Variants in MACROH2A1 observed in about 807,000 individuals in gnomAD.
MACROH2A1 encodes the protein core histone macro-H2A.1.
In MACROH2A1, 2 loss-of-function variants were observed where a neutral mutation model predicts 31.6. The observed-to-expected ratio is 0.06, with a 90% CI of 0.03 to 0.20. The LOEUF is 0.20. Ranked by LOEUF, MACROH2A1 falls within the 10% of genes least tolerant of loss-of-function variation. The pLI, the probability that MACROH2A1 is intolerant of heterozygous loss-of-function variation, is 1.00. For missense variants in MACROH2A1, 230 were observed against 474.0 expected, an observed-to-expected ratio of 0.49 and a Z score of 4.78; for synonymous variants, 169 against 189.6, an observed-to-expected ratio of 0.89 and a Z score of 0.89.
At chr5:135,392,213 G>GTA (rs1195924411) in intron 1 of MACROH2A1, among the ~76,000 whole-genome samples, 1 of 152,118 alleles carries the variant, frequency 6.6e-6, no homozygotes, top group East Asian at 1.9e-4. Flanking sequence ...TGTTCCCATA[G>GTA]TATATATATC....
At chr5:135,387,682 C>G (rs1766606929) in intron 2 of MACROH2A1, among the ~76,000 whole-genome samples, 1 of 152,180 alleles carries the variant, frequency 6.6e-6, no homozygotes, top group Non-Finnish European at 1.5e-5. Context: ...TAACCCCAGA[C>G]AAGTCCTTTA....
chr5:135,398,826 T>C lies in MACROH2A1; in HGVS notation c.-34+236A>G, dbSNP rs544744403. Among the ~76,000 whole-genome samples the C allele has an allele frequency of 6.6e-6, 1 of 152,256 alleles. No individual in the cohort carries two copies. Among genetic ancestry groups the C allele is most frequent in the South Asian group, 2.1e-4 (1 of 4,824 alleles). On this transcript the variant is annotated intron_variant, in intron 1 of 8. Coordinates refer to ENST00000511689, the MANE Select transcript of MACROH2A1 (RefSeq NM_138610.3). The surrounding 1 kb of genome is among the most constrained non-coding windows in gnomAD (Gnocchi z 4.6). ...CAGGGGGATGCGTTTCGAAGAGAAG[T>C]TGGTTTCCAGGTTTCTTTTTTGAAC...
chr5:135,369,451 A>G lies in MACROH2A1; in HGVS notation c.432T>C (p.Pro144=), dbSNP rs1763918779. 1.9e-6 allele frequency: 3 copies of G among 1,614,086 alleles called. No homozygotes were observed. In the East Asian group the frequency reaches 6.7e-5, roughly 36 times the overall value. The change falls in exon 4 of 9, where the codon CCT becomes CCC. Residue 144 remains proline (P), a synonymous_variant. Transcript: ENST00000511689. This position sits in a 1 kb window ranked among gnomAD's most constrained non-coding sequence, Gnocchi z 4.3. ...KKAKSPSQKK[P]VSKKAGGKKG... Reference sequence around the variant, plus strand: ...TCTTGCCTCCTGCTTTTTTAGATACAGGCTTCTTCTGGGATGGAGACTTGG... The same window carrying G: ...TCTTGCCTCCTGCTTTTTTAGATACGGGCTTCTTCTGGGATGGAGACTTGG...
chr5:135,339,908 TG>T (rs1428798440), intron 8 of MACROH2A1, among the ~76,000 whole-genome samples: 1 of 152,228 alleles, frequency 6.6e-6, no homozygotes, highest in African/African-American at 2.4e-5. Flanking sequence ...CCCCGGGCTT[TG>T]GGTAAATGAA....
chr5:135,374,564 A>C (rs981405658), intron 2 of MACROH2A1, among the ~76,000 whole-genome samples: 2 of 152,254 alleles, frequency 1.3e-5, no homozygotes, highest in Non-Finnish European at 2.9e-5. Context: ...AACAGAGCCA[A>C]CTTAAGCCTC....
At chr5:135,357,943 C>T (rs1442831399) in intron 5 of MACROH2A1, 2 of 985,094 alleles carry the variant, frequency 2.0e-6, no homozygotes, top group East Asian at 1.1e-4. Flanking sequence ...CCTTTCTCCA[C>T]CCCAGCTTGC....
intron 2 of MACROH2A1, among the ~76,000 whole-genome samples, chr5:135,377,335 T>C (rs971660319): frequency 4.6e-5 from 7 of 152,258 alleles, no homozygotes; most frequent in Admixed American, 2.6e-4. Context: ...GGTTAATATG[T>C]ATGTTTGTTT....
intron 2 of MACROH2A1, among the ~76,000 whole-genome samples, chr5:135,385,644 C>T (rs551064186): frequency 6.6e-6 from 1 of 152,050 alleles, no homozygotes; most frequent in Non-Finnish European, 1.5e-5. Flanking sequence ...ACCCAGCAGG[C>T]GCATCAAGAC....
intron 5 of MACROH2A1, chr5:135,353,921 AAT>A (rs1761882791): frequency 1.3e-5 from 2 of 152,248 alleles, no homozygotes; most frequent in South Asian, 2.1e-4. Flanking sequence ...AAGGGGAATT[AAT>A]GGGCCTAGGA....
chr5:135,391,464 T>A (rs1767227877), intron 1 of MACROH2A1, among the ~76,000 whole-genome samples: 1 of 152,222 alleles, frequency 6.6e-6, no homozygotes, highest in Admixed American at 6.5e-5. Context: ...CTCAGAGACC[T>A]GGCAGGTCCT....
At chr5:135,343,169 CCT>C (rs1444700534) in intron 8 of MACROH2A1, 89 bp downstream of exon 8, 1 of 1,601,478 alleles carries the variant, frequency 6.2e-7, no homozygotes, top group African/African-American at 1.3e-5. Context: ...CCTCCGTGGG[CCT>C]TGCACAGAGT....
intron 4 of MACROH2A1, 158 bp from the exon 5 acceptor site, chr5:135,360,765 T>C (rs1470656439): frequency 1.4e-6 from 1 of 704,196 alleles, no homozygotes; most frequent in East Asian, 2.7e-5. Flanking sequence ...CAGACTCATT[T>C]TGAGGTACAA....
chr5:135,337,154 A>AGCTGG (rs1473646968), intron 8 of MACROH2A1, among the ~76,000 whole-genome samples: 3 of 152,244 alleles, frequency 2.0e-5, no homozygotes, highest in Admixed American at 1.3e-4. Flanking sequence ...GTGCACAGGG[A>AGCTGG]GCTGGGCTGG....
intron 7 of MACROH2A1, 96 bp downstream of exon 7, chr5:135,345,872 G>A: frequency 1.2e-6 from 1 of 814,730 alleles, no homozygotes; most frequent in Non-Finnish European, 2.2e-6. Flanking sequence ...CGGCTGTGCT[G>A]CCACACACCT....
In MACROH2A1 at chr5:135,398,981, C is replaced by CT. The variant is rs1768473785; in HGVS notation, c.-34+80_-34+81insA. 1 of 149,952 alleles carries CT rather than the reference C, an allele frequency of 6.7e-6. No individual in the cohort carries two copies. The highest frequency in any genetic ancestry group is 2.1e-4 in the South Asian group (1 of 4,862). 9.3% of individuals were successfully genotyped at this position (149,952 alleles called of 1,614,324 possible). A position where few individuals can be genotyped will look rare whatever the true frequency, so the allele number is the denominator to read the frequency against. On this transcript the variant is annotated intron_variant, in intron 1 of 8. Transcript: ENST00000511689. The surrounding 1 kb of genome is among the most constrained non-coding windows in gnomAD (Gnocchi z 4.6). ...CCGCACCACACCGGTGCGCGCCAGG[C>CT]CGGGCCGCTCCCGGGCACCCGCGGC...
Position 135,369,218 on chromosome 5 carries a change from G to T in MACROH2A1, c.477+188C>A. 1 of 669,400 alleles carries T rather than the reference G, an allele frequency of 1.5e-6. No homozygotes were observed. The allele number at this position is 669,400 out of a possible 1,614,324, so 41.5% of individuals were successfully genotyped here. Reference sequence around the variant, plus strand: ...CTTCAACTGGGTCCAGACTCTGGGAGGGCCTCCTGACTCTGGCTACTTGTG... The same window carrying T: ...CTTCAACTGGGTCCAGACTCTGGGATGGCCTCCTGACTCTGGCTACTTGTG... On this transcript the variant is annotated intron_variant, in intron 4 of 8. Transcript: ENST00000511689. This position sits in a 1 kb window ranked among gnomAD's most constrained non-coding sequence, Gnocchi z 4.3.
rs1581404675 is a variant in MACROH2A1, at chr5:135,398,846, T to C, written c.-34+216A>G. Among the ~76,000 whole-genome samples, 1 of 152,036 alleles carries C rather than the reference T, an allele frequency of 6.6e-6. No homozygotes were observed. Among genetic ancestry groups the C allele is most frequent in the South Asian group, 2.1e-4 (1 of 4,838 alleles). On this transcript the variant is annotated intron_variant, in intron 1 of 8. Coordinates refer to ENST00000511689, the MANE Select transcript of MACROH2A1 (RefSeq NM_138610.3). This position sits in a 1 kb window ranked among gnomAD's most constrained non-coding sequence, Gnocchi z 4.6. The stretch of plus-strand genomic sequence containing the variant: ...AGAAGTTGGTTTCCAGGTTTCTTTT[T>C]TGAACAAAACCAAAGGGAATCCCGC...
chr5:135,371,903 T>C (rs1764216383), intron 2 of MACROH2A1, among the ~76,000 whole-genome samples: 1 of 152,162 alleles, frequency 6.6e-6, no homozygotes, highest in Admixed American at 6.5e-5. Context: ...AAAAATCGTG[T>C]GTTAAAAATT....
chr5:135,378,966 T>C (rs1030210913), intron 2 of MACROH2A1, among the ~76,000 whole-genome samples: 1 of 152,170 alleles, frequency 6.6e-6, no homozygotes, highest in Non-Finnish European at 1.5e-5. Flanking sequence ...TTAAGTACCC[T>C]CATTTTCTGA....
Sources: allele counts gnomAD v4.1 joint callset (sites outside exome capture counted in the v4.1 genomes callset), GRCh38; gene constraint gnomAD v4.1.1; non-coding constraint Gnocchi (gnomAD v3.1); transcripts MANE v1.5; gene names NCBI Gene and HGNC (gene_info 2026-07-23, HGNC 2026-07-21).